TMEM132D: variants seen among roughly 807,000 people sequenced by gnomAD.
TMEM132D encodes the protein transmembrane protein 132D, also known as mature OL transmembrane protein.
Under a neutral mutation model 62.3 loss-of-function variants are expected in TMEM132D, and 21 were observed. That is an observed-to-expected ratio of 0.34 (90% CI 0.24 to 0.49). The LOEUF (loss-of-function observed/expected upper bound fraction) is 0.49, where lower values mean the gene tolerates loss of function less well. TMEM132D is among the 20% of genes least tolerant of loss of function. The pLI, the probability that TMEM132D is intolerant of heterozygous loss-of-function variation, is 0.99. For missense variants in TMEM132D, 1,346 were observed against 1,402.8 expected, an observed-to-expected ratio of 0.96 and a Z score of 0.65; for synonymous variants, 621 against 575.6, an observed-to-expected ratio of 1.08 and a Z score of -1.13.
At chr12:129,891,671 C>A (rs1349938127) in intron 1 of TMEM132D, among the ~76,000 whole-genome samples, 1 of 152,128 alleles carries the variant, frequency 6.6e-6, no homozygotes, top group Non-Finnish European at 1.5e-5. Flanking sequence ...TTAAATTATG[C>A]ACAAAGATAA....
chr12:129,761,984 C>T (rs140356556), intron 1 of TMEM132D, among the ~76,000 whole-genome samples: 5 of 152,270 alleles, frequency 3.3e-5, no homozygotes, highest in African/African-American at 1.2e-4. Context: ...CACAACACCT[C>T]GGGCCTGGAA....
At chr12:129,135,425 G>C (rs1363322472) in intron 5 of TMEM132D, among the ~76,000 whole-genome samples, 1 of 152,120 alleles carries the variant, frequency 6.6e-6, no homozygotes, top group Non-Finnish European at 1.5e-5. Flanking sequence ...ATTGACTCCA[G>C]GAAGGTGGCA....
At chr12:129,713,966 G>C (rs903238105) in intron 1 of TMEM132D, among the ~76,000 whole-genome samples, 1 of 152,210 alleles carries the variant, frequency 6.6e-6, no homozygotes, top group African/African-American at 2.4e-5. Context: ...AGAGAACATA[G>C]ATGGATTTAG....
At chr12:129,806,820 G>A (rs538839649) in intron 1 of TMEM132D, among the ~76,000 whole-genome samples, 65 of 152,294 alleles carry the variant, frequency 4.3e-4, no homozygotes, top group Middle Eastern at 3.4e-3. Flanking sequence ...GAGCCCAGGC[G>A]TTTGAGACCA....
chr12:129,844,101 G>A (rs568858631), intron 1 of TMEM132D, among the ~76,000 whole-genome samples: 8 of 152,090 alleles, frequency 5.3e-5, no homozygotes, highest in African/African-American at 1.4e-4. Context: ...ACTCTGTCTC[G>A]GAAACCAACA....
chr12:129,195,579 C>T (rs1442044043), intron 5 of TMEM132D, among the ~76,000 whole-genome samples: 1 of 151,952 alleles, frequency 6.6e-6, no homozygotes, highest in Admixed American at 6.6e-5. Context: ...TGACCCTGAC[C>T]CACTTATCTG....
chr12:129,635,407 GGATGCT>G (rs1879450473), intron 2 of TMEM132D, among the ~76,000 whole-genome samples: 1 of 152,216 alleles, frequency 6.6e-6, no homozygotes, highest in Admixed American at 6.5e-5. Context: ...GAGAGGTGCA[GGATGCT>G]CACAGCGTTG....
chr12:129,082,153 G>A (rs1874476041), intron 6 of TMEM132D, 121 bp from the exon 7 acceptor site: 15 of 1,244,400 alleles, frequency 1.2e-5, no homozygotes, highest in Non-Finnish European at 1.5e-5. Flanking sequence ...GGAGTTTATA[G>A]CCAGACATGC....
chr12:129,586,472 G>A (rs1324064067), intron 2 of TMEM132D, among the ~76,000 whole-genome samples: 1 of 152,186 alleles, frequency 6.6e-6, no homozygotes, highest in Non-Finnish European at 1.5e-5. Flanking sequence ...AACAGAGATT[G>A]ACTCCTCACA....
At chr12:129,501,713 C>A (rs1198538727) in intron 3 of TMEM132D, among the ~76,000 whole-genome samples, 2 of 151,946 alleles carry the variant, frequency 1.3e-5, no homozygotes, top group African/African-American at 4.8e-5. Context: ...ACCATGTTGC[C>A]CAGGCTGGTC....
At chr12:129,335,043 A>G (rs760392030) in intron 4 of TMEM132D, among the ~76,000 whole-genome samples, 11 of 151,786 alleles carry the variant, frequency 7.2e-5, no homozygotes, top group Non-Finnish European at 1.6e-4. Flanking sequence ...AGTATTGCAT[A>G]TATTTTAAAT....
chr12:129,406,686 C>T (rs1209268982), intron 3 of TMEM132D, among the ~76,000 whole-genome samples: 1 of 151,940 alleles, frequency 6.6e-6, no homozygotes, highest in Non-Finnish European at 1.5e-5. Flanking sequence ...GGCAAGCACA[C>T]GGACTTTCAC....
rs1485314909 is a variant in TMEM132D at position 129,296,928 on chromosome 12, C to T, written c.1299+40706G>A. On this transcript the variant is annotated intron_variant, in intron 4 of 8. Coordinates refer to ENST00000422113, the MANE Select transcript of TMEM132D (RefSeq NM_133448.3). ...TTCTGGAAGACAGTACAAAGGAATG[C>T]TTCTCAGAACTCTCCATTTGGGGAG... 2.0e-5 allele frequency among the ~76,000 whole-genome samples: 3 copies of T among 152,332 alleles called. No individual in the cohort carries two copies. The East Asian group carries it at 5.8e-4, about 29-fold the overall frequency.
chr12:129,835,038 G>T (rs1056399984), intron 1 of TMEM132D, among the ~76,000 whole-genome samples: 8 of 152,140 alleles, frequency 5.3e-5, no homozygotes, highest in Admixed American at 6.5e-5. Context: ...AACATCAGCC[G>T]TATGCACTAG....
At chr12:129,310,028 C>T (rs775686007) in intron 4 of TMEM132D, among the ~76,000 whole-genome samples, 3 of 151,938 alleles carry the variant, frequency 2.0e-5, no homozygotes, top group South Asian at 2.1e-4. Context: ...AAAAGTGCTA[C>T]AGCCAGAAAA....
chr12:129,076,329 T>C (rs1874255533), intron 8 of TMEM132D, among the ~76,000 whole-genome samples: 1 of 152,188 alleles, frequency 6.6e-6, no homozygotes, highest in South Asian at 2.1e-4. Context: ...TCCTCCAAGG[T>C]CTTGCAGCTG....
At chr12:129,492,144 C>T (rs1339169995) in intron 3 of TMEM132D, among the ~76,000 whole-genome samples, 1 of 152,104 alleles carries the variant, frequency 6.6e-6, no homozygotes, top group East Asian at 1.9e-4. Context: ...GTTTTAGTGT[C>T]TTCTCTTTTT....
In TMEM132D at chr12:129,080,965, C is replaced by T. The variant is rs539852235; in HGVS notation, c.1923+794G>A. On this transcript the variant is annotated intron_variant, in intron 7 of 8. Transcript: ENST00000422113. ...ATATGGAGGCACAATCACTTCACTT[C>T]GTCCTTTAGCACATTTCTGAGTTGT... Among the ~76,000 whole-genome samples, 4 of 152,270 alleles carry T rather than the reference C, an allele frequency of 2.6e-5. No individual in the cohort carries two copies. The South Asian group carries it at 8.3e-4, about 32-fold the overall frequency.
chr12:129,519,245 G>A (rs1593048173), intron 3 of TMEM132D, among the ~76,000 whole-genome samples: 2 of 152,104 alleles, frequency 1.3e-5, no homozygotes, highest in Admixed American at 1.3e-4. Flanking sequence ...GTCCTTCAAT[G>A]TTGAACCTCG....
Sources: allele counts gnomAD v4.1 joint callset (sites outside exome capture counted in the v4.1 genomes callset), GRCh38; gene constraint gnomAD v4.1.1; transcripts MANE v1.5; gene names NCBI Gene and HGNC (gene_info 2026-07-23, HGNC 2026-07-21).